The following MITF variants were observed in gnomAD, a reference collection of about 807,000 sequenced individuals.
The protein encoded by MITF is melanocyte inducing transcription factor.
In MITF, 17 loss-of-function variants were observed where a neutral mutation model predicts 60.5. The observed-to-expected ratio is 0.28, with a 90% CI of 0.19 to 0.42. MITF has a LOEUF of 0.42. MITF is among the 10% of genes least tolerant of loss of function. The probability of loss-of-function intolerance (pLI) is 1.00; values close to 1 mark genes in which losing one functional copy is unlikely to be tolerated. For missense variants in MITF, 622 were observed against 683.5 expected, an observed-to-expected ratio of 0.91 and a Z score of 1.00; for synonymous variants, 260 against 248.5, an observed-to-expected ratio of 1.05 and a Z score of -0.43.
Position 69,821,608 on chromosome 3 carries a change from T to TA in MITF, c.105-57518dup, listed in dbSNP as rs1019327868. Among the ~76,000 whole-genome samples, 18 of 127,884 alleles carry TA rather than the reference T, an allele frequency of 1.4e-4. No homozygotes were observed. In the East Asian group the frequency reaches 1.6e-3, roughly 11 times the overall value. The allele number at this position is 127,884 out of a possible 152,430, so 83.9% of individuals were successfully genotyped here. A position where few individuals can be genotyped will look rare whatever the true frequency, so the allele number is the denominator to read the frequency against. On this transcript the variant is annotated intron_variant, in intron 1 of 9. Coordinates refer to ENST00000352241, the MANE Select transcript of MITF (RefSeq NM_001354604.2). Reference sequence around the variant, plus strand: ...AATAGGATCAAATTAGACCTAGATTTAAAAAAAACTCATAAGTAGATAACC... The same window carrying TA: ...AATAGGATCAAATTAGACCTAGATTTAAAAAAAAACTCATAAGTAGATAACC...
At chr3:69,822,853 T>C (rs938004016) in intron 1 of MITF, among the ~76,000 whole-genome samples, 4 of 152,118 alleles carry the variant, frequency 2.6e-5, no homozygotes, top group African/African-American at 9.7e-5. Flanking sequence ...CAACCCCGTC[T>C]TATTGAGTAC....
chr3:69,927,687 C>T (rs1239815206), intron 2 of MITF, among the ~76,000 whole-genome samples: 3 of 152,146 alleles, frequency 2.0e-5, no homozygotes. Flanking sequence ...CCCCAGGAGG[C>T]ATTTAGCAAT....
chr3:69,959,502 G>T (rs1416179907), intron 9 of MITF, 82 bp downstream of exon 9: 1 of 1,535,298 alleles, frequency 6.5e-7, no homozygotes, highest in Non-Finnish European at 9.0e-7. Context: ...GAGCCATAGG[G>T]GAGTTGACTT....
rs147926938 is a variant in MITF, at chr3:69,915,940, G to T, written c.355-21882G>T. ...CATTCCCTAGCTGCAAGGGAGGCTGGCAAAGGAACACCTGCATTTTCTCAT... is the reference window on the plus strand; with the variant it reads ...CATTCCCTAGCTGCAAGGGAGGCTGTCAAAGGAACACCTGCATTTTCTCAT... On this transcript the variant is annotated intron_variant, in intron 2 of 9. Transcript: ENST00000352241. Among the ~76,000 whole-genome samples the T allele has an allele frequency of 3.8e-3, 574 of 152,256 alleles. 5 individuals carry two copies. Among genetic ancestry groups the T allele is most frequent in the African/African-American group, 0.013 (532 of 41,544 alleles).
chr3:69,848,418 A>G (rs1286658081), intron 1 of MITF, among the ~76,000 whole-genome samples: 2 of 152,226 alleles, frequency 1.3e-5, no homozygotes, highest in Admixed American at 6.5e-5. Flanking sequence ...TGTTCTGTCT[A>G]TTACCATGGC....
chr3:69,926,528 C>T (rs997591305), intron 2 of MITF, among the ~76,000 whole-genome samples: 4 of 152,028 alleles, frequency 2.6e-5, no homozygotes, highest in South Asian at 2.1e-4. Context: ...CTCTAATACC[C>T]GATAAACTGC....
intron 1 of MITF, among the ~76,000 whole-genome samples, chr3:69,866,537 C>G (rs1385453983): frequency 3.0e-5 from 3 of 99,130 alleles, no homozygotes; most frequent in African/African-American, 1.2e-4. Flanking sequence ...AGGATAACAA[C>G]TAATTTGGGG....
intron 1 of MITF, among the ~76,000 whole-genome samples, chr3:69,826,623 T>G (rs1261443188): frequency 1.3e-5 from 2 of 152,168 alleles, no homozygotes; most frequent in Admixed American, 1.3e-4. Context: ...AACTGTTCAG[T>G]CTTGGTCTAG....
chr3:69,932,954 TGA>T lies in MITF; in HGVS notation c.355-4866_355-4865del, dbSNP rs1168846263. ...TCCCTTTAGTTTTCTTTAAACTTGC[TGA>T]GCAAAAGAACAAATTATCTCTCTAA... On this transcript the variant is annotated intron_variant, in intron 2 of 9. Transcript: ENST00000352241. Among the ~76,000 whole-genome samples the T allele has an allele frequency of 5.9e-5, 9 of 152,304 alleles. No homozygotes were observed. In the East Asian group the frequency reaches 9.6e-4, roughly 16 times the overall value.
At chr3:69,778,046 G>A (rs2062502783) in intron 1 of MITF, among the ~76,000 whole-genome samples, 2 of 152,114 alleles carry the variant, frequency 1.3e-5, no homozygotes, top group South Asian at 2.1e-4. Context: ...GGTCACTCGG[G>A]ACTTGCCTGT....
At chr3:69,797,116 G>C (rs549112566) in intron 1 of MITF, among the ~76,000 whole-genome samples, 8 of 152,270 alleles carry the variant, frequency 5.3e-5, no homozygotes, top group African/African-American at 1.9e-4. Context: ...TTAGTCCAGA[G>C]GGTATACCTC....
At chr3:69,821,763 T>C (rs1262722542) in intron 1 of MITF, among the ~76,000 whole-genome samples, 1 of 152,038 alleles carries the variant, frequency 6.6e-6, no homozygotes, top group Non-Finnish European at 1.5e-5. Context: ...TATTATGCTT[T>C]TTGAGACTGA....
intron 2 of MITF, among the ~76,000 whole-genome samples, chr3:69,912,204 C>G (rs953496959): frequency 2.0e-5 from 3 of 152,184 alleles, no homozygotes; most frequent in African/African-American, 7.2e-5. Flanking sequence ...TAGGTGCTAT[C>G]TTGCAAAAGC....
At chr3:69,767,307 A>G (rs958903826) in intron 1 of MITF, among the ~76,000 whole-genome samples, 8 of 152,120 alleles carry the variant, frequency 5.3e-5, no homozygotes, top group Non-Finnish European at 7.3e-5. Context: ...TCCTTTAAAG[A>G]CAAAAGATGG....
intron 1 of MITF, chr3:69,763,960 C>A: frequency 2.2e-6 from 3 of 1,341,488 alleles, no homozygotes; most frequent in Non-Finnish European, 3.0e-6. Flanking sequence ...AGATGATAAC[C>A]AAAGTACCTC....
chr3:69,879,169 C>T lies in MITF; in HGVS notation c.140C>T (p.Pro47Leu), dbSNP rs1235170419. The change falls in exon 2 of 10, where the codon CCG becomes CTG. Residue 47 changes from proline to leucine, a missense_variant. Around this residue, in one of 5 missense-constraint regions of MITF, gnomAD observed 149 missense variants for 157.8 expected, o/e 0.94. Transcript: ENST00000352241. ...SAEHPGASKP[P>L]ISSSSMTSRI... ...GAGCATCCTGGGGCCTCCAAGCCTC[C>T]GATAAGCTCCTCCAGTATGACATCA... 32 of 1,614,102 alleles carry T rather than the reference C, an allele frequency of 2.0e-5. No homozygotes were observed. The highest frequency in any genetic ancestry group is 2.5e-5 in the Non-Finnish European group (30 of 1,180,060).
intron 1 of MITF, among the ~76,000 whole-genome samples, chr3:69,740,043 C>G (rs1021367100): frequency 2.0e-5 from 3 of 152,108 alleles, no homozygotes. Flanking sequence ...AGCGCCGGGC[C>G]GGGACGCTGT....
chr3:69,912,324 A>C (rs2107391769), intron 2 of MITF, among the ~76,000 whole-genome samples: 1 of 152,356 alleles, frequency 6.6e-6, no homozygotes, highest in South Asian at 2.1e-4. Flanking sequence ...TATTTAATAC[A>C]AAGCAAACAT....
intron 1 of MITF, among the ~76,000 whole-genome samples, chr3:69,801,072 T>TTTA (rs1260029532): frequency 6.6e-6 from 1 of 151,084 alleles, no homozygotes; most frequent in Non-Finnish European, 1.5e-5. Context: ...TTTTTTTTTT[T>TTTA]ACCTTGAAAT....
Sources: allele counts gnomAD v4.1 joint callset (sites outside exome capture counted in the v4.1 genomes callset), GRCh38; gene constraint gnomAD v4.1.1; regional missense constraint gnomAD v4.1.1; transcripts MANE v1.5; gene names NCBI Gene and HGNC (gene_info 2026-07-23, HGNC 2026-07-21).